The following KCNJ6 variants were observed in gnomAD, a reference collection of about 807,000 sequenced individuals.
KCNJ6 encodes the protein G protein-activated inward rectifier potassium channel 2.
A neutral mutation model predicts 34.2 loss-of-function variants in KCNJ6; 9 were observed. That is an observed-to-expected ratio of 0.26 (90% CI 0.16 to 0.46). The LOEUF is 0.46. Ranked by LOEUF, KCNJ6 falls within the 20% of genes least tolerant of loss-of-function variation. The pLI is 1.00. For synonymous variants in KCNJ6, 196 were observed against 207.1 expected, an observed-to-expected ratio of 0.95 and a Z score of 0.46; for missense variants, 236 against 531.3, an observed-to-expected ratio of 0.44 and a Z score of 5.46.
chr21:37,770,844 T>A (rs1038165882), intron 2 of KCNJ6, among the ~76,000 whole-genome samples: 2 of 152,200 alleles, frequency 1.3e-5, no homozygotes, highest in African/African-American at 2.4e-5. Context: ...CCTTCTTTTA[T>A]CTCCTATCTA....
chr21:37,915,044 C>T (rs1489231861), intron 1 of KCNJ6, among the ~76,000 whole-genome samples: 2 of 151,982 alleles, frequency 1.3e-5, no homozygotes, highest in African/African-American at 2.4e-5. Context: ...TTCCCCCTGA[C>T]AATCTCTCCA....
At position 37,625,152 on chromosome 21, in the gene KCNJ6, T is replaced by G; in HGVS notation, c.*7A>C. 1 of 1,600,644 alleles carries G rather than the reference T, an allele frequency of 6.2e-7. No homozygotes were observed. On this transcript the variant is annotated 3_prime_UTR_variant, in exon 4 of 4. Transcript: ENST00000609713. ...GGGAGAAGAGAAGGGTTTGCCCAGCTAGGGCACTAAACTTTGGATTCATTC... is the reference window on the plus strand; with the variant it reads ...GGGAGAAGAGAAGGGTTTGCCCAGCGAGGGCACTAAACTTTGGATTCATTC...
intron 2 of KCNJ6, among the ~76,000 whole-genome samples, chr21:37,825,942 C>T (rs918017052): frequency 6.6e-6 from 1 of 152,182 alleles, no homozygotes; most frequent in Non-Finnish European, 1.5e-5. Flanking sequence ...CTGGGTCCCT[C>T]CCATGATGCG....
intron 3 of KCNJ6, among the ~76,000 whole-genome samples, chr21:37,647,828 C>T: frequency 6.6e-6 from 1 of 152,174 alleles, no homozygotes; most frequent in Non-Finnish European, 1.5e-5. Flanking sequence ...TGGTGTGGCC[C>T]CGACTTTGGG....
intron 3 of KCNJ6, among the ~76,000 whole-genome samples, chr21:37,662,458 T>G (rs1276029235): frequency 6.6e-6 from 1 of 152,248 alleles, no homozygotes; most frequent in Non-Finnish European, 1.5e-5. Context: ...TTTTTATGGC[T>G]GTATAGTATT....
chr21:37,801,198 G>A (rs2055267568), intron 2 of KCNJ6, among the ~76,000 whole-genome samples: 1 of 152,090 alleles, frequency 6.6e-6, no homozygotes, highest in South Asian at 2.1e-4. Flanking sequence ...CCCCCATTTT[G>A]CCTGAGTTAT....
At chr21:37,747,000 A>G (rs2835925) in intron 2 of KCNJ6, among the ~76,000 whole-genome samples, 23,763 of 152,240 alleles carry the variant, frequency 0.16, 2,368 homozygotes, top group South Asian at 0.27. Flanking sequence ...CATAAGGTGC[A>G]AGATCAGTGG....
In KCNJ6 at chr21:37,897,037, G is replaced by A. The variant is rs575539829; in HGVS notation, c.-28+18847C>T. 3.3e-5 allele frequency among the ~76,000 whole-genome samples: 5 copies of A among 152,360 alleles called. No individual in the cohort carries two copies. In the South Asian group the frequency reaches 8.3e-4, roughly 25 times the overall value. On this transcript the variant is annotated intron_variant, in intron 1 of 3. Coordinates refer to ENST00000609713, the MANE Select transcript of KCNJ6 (RefSeq NM_002240.5). ...CAGGAGGGCAGCTGGTAGCTGGTTCGTGTGGGAGGCTGAGCTTTGCCTGTA... is the reference window on the plus strand; with the variant it reads ...CAGGAGGGCAGCTGGTAGCTGGTTCATGTGGGAGGCTGAGCTTTGCCTGTA...
chr21:37,881,789 C>T (rs529825966), intron 1 of KCNJ6, among the ~76,000 whole-genome samples: 42 of 152,260 alleles, frequency 2.8e-4, no homozygotes, highest in African/African-American at 5.8e-4. Context: ...AATGCCACCA[C>T]GCTGGGGGTT....
chr21:37,858,392 C>CAAAAAAAAAAAAAAA (rs60814205), intron 1 of KCNJ6, among the ~76,000 whole-genome samples: 1 of 54,500 alleles, frequency 1.8e-5, no homozygotes, highest in Non-Finnish European at 3.1e-5. Context: ...GACTCCGTCT[C>CAAAAAAAAAAAAAAA]AAAAAAAAAA....
chr21:37,879,585 T>G (rs573881726), intron 1 of KCNJ6, among the ~76,000 whole-genome samples: 1 of 152,156 alleles, frequency 6.6e-6, no homozygotes, highest in South Asian at 2.1e-4. Flanking sequence ...GAAGGCCTAT[T>G]TGCCCAAAAT....
chr21:37,727,024 G>A (rs1212403030), intron 2 of KCNJ6, among the ~76,000 whole-genome samples: 3 of 152,192 alleles, frequency 2.0e-5, no homozygotes, highest in Admixed American at 6.5e-5. Context: ...CATAAGAGAC[G>A]AGCAGAATTC....
chr21:37,839,743 A>G (rs2055469641), intron 2 of KCNJ6, among the ~76,000 whole-genome samples: 1 of 152,240 alleles, frequency 6.6e-6, no homozygotes, highest in African/African-American at 2.4e-5. Context: ...ATTTCATCAT[A>G]GAAAACTGCA....
intron 3 of KCNJ6, among the ~76,000 whole-genome samples, chr21:37,626,162 G>T (rs1012954343): frequency 6.9e-6 from 1 of 144,660 alleles, no homozygotes; most frequent in East Asian, 2.0e-4. Flanking sequence ...ATGGAGTCTC[G>T]CTGTGTCGCC....
chr21:37,756,342 T>C (rs138848516), intron 2 of KCNJ6, among the ~76,000 whole-genome samples: 2 of 152,302 alleles, frequency 1.3e-5, no homozygotes, highest in African/African-American at 2.4e-5. Context: ...GAACCACCCA[T>C]TGAAGACAGT....
chr21:37,861,372 G>A (rs1030208572), intron 1 of KCNJ6, among the ~76,000 whole-genome samples: 2 of 152,144 alleles, frequency 1.3e-5, no homozygotes, highest in African/African-American at 2.4e-5. Context: ...CCCTCTGTGT[G>A]TGCCTGTGTC....
At position 37,678,103 on chromosome 21, in the gene KCNJ6, C is replaced by T. The variant is rs375829966; in HGVS notation, c.946+36108G>A. ...AGGCCCTATGGGGCCAAACAGAAGCCGGCTAACTTGGCGGGTGGTGGTGTC... is the reference window on the plus strand; with the variant it reads ...AGGCCCTATGGGGCCAAACAGAAGCTGGCTAACTTGGCGGGTGGTGGTGTC... On this transcript the variant is annotated intron_variant, in intron 3 of 3. Coordinates refer to ENST00000609713, the MANE Select transcript of KCNJ6 (RefSeq NM_002240.5). Among the ~76,000 whole-genome samples, 318 of 152,116 alleles carry T rather than the reference C, an allele frequency of 2.1e-3. 3 individuals carry two copies. Among genetic ancestry groups the T allele is most frequent in the South Asian group, 0.011 (54 of 4,822 alleles).
chr21:37,707,275 A>C (rs570795057), intron 3 of KCNJ6, among the ~76,000 whole-genome samples: 3 of 152,326 alleles, frequency 2.0e-5, no homozygotes, highest in South Asian at 2.1e-4. Context: ...CCTGGGGACA[A>C]TGAAGATGCT....
At chr21:37,847,915 A>G (rs1175067606) in intron 1 of KCNJ6, among the ~76,000 whole-genome samples, 1 of 152,124 alleles carries the variant, frequency 6.6e-6, no homozygotes, top group African/African-American at 2.4e-5. Flanking sequence ...AAGAAGAGTG[A>G]TGGGAGAGGG....
Sources: gnomAD v4.1 joint callset for allele counts (sites outside exome capture counted in the v4.1 genomes callset) on GRCh38, gnomAD v4.1.1 for gene constraint, MANE v1.5 for transcripts, NCBI Gene and HGNC (gene_info 2026-07-23, HGNC 2026-07-21) for gene names.